COL23A1: variants seen among roughly 807,000 people sequenced by gnomAD.
COL23A1 encodes collagen alpha-1(XXIII) chain.
COL23A1 carries 97 observed loss-of-function variants against 99.3 expected under a neutral mutation model. The observed-to-expected ratio is 0.98, with a 90% CI of 0.83 to 1.16. COL23A1 has a LOEUF of 1.16. Among genes scored for constraint, COL23A1 ranks in the 50% most tolerant of loss-of-function variants. The pLI, the probability that COL23A1 is intolerant of heterozygous loss-of-function variation, is 0.00. For synonymous variants in COL23A1, 320 were observed against 308.2 expected (o/e 1.04, Z -0.40); for missense variants, 762 against 757.4 (o/e 1.01, Z -0.07).
intron 2 of COL23A1, among the ~76,000 whole-genome samples, chr5:178,343,967 G>GT (rs1438106175): frequency 1.3e-5 from 2 of 152,012 alleles, no homozygotes; most frequent in Non-Finnish European, 2.9e-5. Context: ...GGCCTAAAAT[G>GT]TTTTTTAAAA....
In COL23A1 at chr5:178,310,782, C is replaced by T. The variant is rs1758628373; in HGVS notation, c.362-3863G>A. Among the ~76,000 whole-genome samples, 1 of 152,120 alleles carries T rather than the reference C, an allele frequency of 6.6e-6. No homozygotes were observed. Among genetic ancestry groups the T allele is most frequent in the Admixed American group, 6.5e-5 (1 of 15,282 alleles). On this transcript the variant is annotated intron_variant, in intron 2 of 28. Transcript: ENST00000390654. This position sits in a 1 kb window ranked among gnomAD's most constrained non-coding sequence, Gnocchi z 4.3. Reference sequence around the variant, plus strand: ...CAGCTTGGCTGCAGCTAAGACCTGGCTCCAACAAGCAAAACCAGGCCTTTG... The same window carrying T: ...CAGCTTGGCTGCAGCTAAGACCTGGTTCCAACAAGCAAAACCAGGCCTTTG...
chr5:178,239,168 C>G lies in COL23A1; in HGVS notation c.1593G>C (p.Gly531=), dbSNP rs564278854. 1.9e-6 allele frequency: 3 copies of G among 1,614,118 alleles called. No homozygotes were observed. The highest frequency in any genetic ancestry group is 2.5e-6 in the Non-Finnish European group (3 of 1,179,992). The change falls in exon 28 of 29, where the codon GGG becomes GGC. Residue 531 remains glycine (G), a synonymous_variant. Transcript: ENST00000390654. ...LDQPCPVGPD[G]LPVPGCWHK is the part of the protein sequence containing the mutation. ...TATGCCAGCAGCCAGGCACAGGCAG[C>G]CCGTCGGGGCCCTGGAAAGGAAGAA...
chr5:178,239,935 T>C (rs1475450478), intron 27 of COL23A1, among the ~76,000 whole-genome samples: 1 of 152,208 alleles, frequency 6.6e-6, no homozygotes, highest in Non-Finnish European at 1.5e-5. Context: ...ACGGTCACTC[T>C]GGCTCCTCAC....
At chr5:178,246,041 C>A (rs915687095) in intron 24 of COL23A1, 73 bp from the exon 25 acceptor site, 143 of 1,569,212 alleles carry the variant, frequency 9.1e-5, no homozygotes, top group Non-Finnish European at 1.2e-4. Flanking sequence ...GGAAGTCCAG[C>A]CCTGTGGGTT....
chr5:178,256,978 G>A (rs760248226), intron 13 of COL23A1, 50 bp from the exon 14 acceptor site: 26 of 1,576,042 alleles, frequency 1.6e-5, no homozygotes, highest in African/African-American at 6.8e-5. Context: ...GGCACGTGGC[G>A]GGTGCCTTGG....
intron 2 of COL23A1, among the ~76,000 whole-genome samples, chr5:178,519,320 T>C (rs1759814602): frequency 6.6e-6 from 1 of 152,228 alleles, no homozygotes; most frequent in Admixed American, 6.5e-5. Flanking sequence ...TCACAGGCCA[T>C]AAAGCCAATG....
At chr5:178,290,231 C>T (rs1444655928) in intron 4 of COL23A1, 131 bp downstream of exon 4, 1 of 1,326,412 alleles carries the variant, frequency 7.5e-7, no homozygotes, top group Non-Finnish European at 1.1e-6. Context: ...CGCACCTGGC[C>T]ACTTTTTAAT....
chr5:178,549,138 C>T (rs560621731), intron 2 of COL23A1, among the ~76,000 whole-genome samples: 2 of 152,016 alleles, frequency 1.3e-5, no homozygotes, highest in Non-Finnish European at 2.9e-5. Flanking sequence ...GGATAACAGG[C>T]GCATGCCACC....
At chr5:178,427,538 G>A (rs944453958) in intron 2 of COL23A1, among the ~76,000 whole-genome samples, 1 of 152,226 alleles carries the variant, frequency 6.6e-6, no homozygotes, top group Admixed American at 6.5e-5. Flanking sequence ...CAGTAGGTGA[G>A]TGGGTAGGTA....
chr5:178,296,972 C>G (rs1246825373), intron 3 of COL23A1, among the ~76,000 whole-genome samples: 1 of 152,216 alleles, frequency 6.6e-6, no homozygotes, highest in Non-Finnish European at 1.5e-5. Flanking sequence ...AAATGCCCAA[C>G]CCCTTTCCAG....
chr5:178,489,926 T>A (rs927242314), intron 2 of COL23A1, among the ~76,000 whole-genome samples: 53 of 152,170 alleles, frequency 3.5e-4, no homozygotes, highest in African/African-American at 1.2e-3. Flanking sequence ...CAAGAGAAGA[T>A]CACTTAGCCT....
chr5:178,545,944 G>A (rs1761554664), intron 2 of COL23A1, among the ~76,000 whole-genome samples: 1 of 152,192 alleles, frequency 6.6e-6, no homozygotes, highest in African/African-American at 2.4e-5. Flanking sequence ...TGCACAAGGA[G>A]TTGGAGAGTT....
At chr5:178,475,212 T>C (rs570690935) in intron 2 of COL23A1, among the ~76,000 whole-genome samples, 11 of 152,352 alleles carry the variant, frequency 7.2e-5, no homozygotes, top group African/African-American at 2.4e-4. Context: ...CATATTCACA[T>C]GCAATGGAGG....
chr5:178,578,208 A>G (rs1763490778), intron 1 of COL23A1, among the ~76,000 whole-genome samples: 1 of 151,500 alleles, frequency 6.6e-6, no homozygotes, highest in Non-Finnish European at 1.5e-5. Context: ...ACATACACCC[A>G]TGTACACACA....
chr5:178,292,680 G>A (rs1234533144), intron 3 of COL23A1, among the ~76,000 whole-genome samples: 1 of 152,166 alleles, frequency 6.6e-6, no homozygotes, highest in East Asian at 1.9e-4. Flanking sequence ...GGTGGCAGTG[G>A]AAGTGGTGGA....
intron 2 of COL23A1, among the ~76,000 whole-genome samples, chr5:178,344,363 G>A (rs775505124): frequency 1.3e-5 from 2 of 152,114 alleles, no homozygotes; most frequent in Non-Finnish European, 2.9e-5. Flanking sequence ...GTGGCCGGGC[G>A]TGGTGGCTCA....
chr5:178,527,955 T>C (rs1202152645), intron 2 of COL23A1, among the ~76,000 whole-genome samples: 2 of 152,202 alleles, frequency 1.3e-5, no homozygotes, highest in Non-Finnish European at 1.5e-5. Flanking sequence ...TAAGTGTACA[T>C]GAATCAGAAA....
chr5:178,373,982 C>T (rs1362943513), intron 2 of COL23A1, among the ~76,000 whole-genome samples: 2 of 152,224 alleles, frequency 1.3e-5, no homozygotes, highest in African/African-American at 2.4e-5. Flanking sequence ...CACCGGCGCC[C>T]GCACCCTTCA....
intron 27 of COL23A1, among the ~76,000 whole-genome samples, chr5:178,239,425 A>G (rs1454251297): frequency 5.9e-5 from 9 of 152,140 alleles, no homozygotes. Flanking sequence ...CTTTGTGGGG[A>G]CTGCTGTGCA....
Sources: allele counts gnomAD v4.1 joint callset (sites outside exome capture counted in the v4.1 genomes callset), GRCh38; gene constraint gnomAD v4.1.1; non-coding constraint Gnocchi (gnomAD v3.1); transcripts MANE v1.5; gene names NCBI Gene and HGNC (gene_info 2026-07-23, HGNC 2026-07-21).